The following SNTG1 variants were observed in gnomAD, a reference collection of about 807,000 sequenced individuals.
SNTG1 encodes the protein syntrophin gamma 1, also known as gamma-1-syntrophin.
SNTG1 carries 39 observed loss-of-function variants against 74.7 expected under a neutral mutation model. The observed-to-expected ratio is 0.52, with a 90% CI of 0.40 to 0.68. The LOEUF is 0.68. Ranked by LOEUF, SNTG1 falls within the 30% of genes least tolerant of loss-of-function variation. The pLI is 0.00. For missense variants in SNTG1, 685 were observed against 609.5 expected (o/e 1.12, Z -1.30); for synonymous variants, 254 against 217.1 (o/e 1.17, Z -1.49).
chr8:50,597,341 A>G (rs2094735479), intron 13 of SNTG1, among the ~76,000 whole-genome samples: 1 of 139,022 alleles, frequency 7.2e-6, no homozygotes, highest in Non-Finnish European at 1.6e-5. Context: ...ATATATATAC[A>G]TATATACACG....
At chr8:50,300,618 A>AT (rs71967752) in intron 2 of SNTG1, among the ~76,000 whole-genome samples, 10,541 of 151,850 alleles carry the variant, frequency 0.069, 410 homozygotes, top group African/African-American at 0.086. Context: ...GGAAGAAAAA[A>AT]TTAAAAAACA....
At chr8:50,150,906 A>C (rs2082046094) in intron 1 of SNTG1, among the ~76,000 whole-genome samples, 1 of 152,310 alleles carries the variant, frequency 6.6e-6, no homozygotes, top group African/African-American at 2.4e-5. Context: ...CTTTGGTATC[A>C]GGATGATGCT....
chr8:50,752,013 A>C lies in SNTG1; in HGVS notation c.1297A>C (p.Arg433=). ...FDAATKAVLW[R]YKFSQLKGSS... ...TTCCCCCCTTTAGGCTGTCCTTTGG[A>C]GGTATAAATTCTCTCAGCTTAAAGG... Residue 433 remains arginine (R), a synonymous_variant, in exon 18 of 19, where the codon AGG becomes CGG. Transcript: ENST00000642720. 6.4e-7 allele frequency: 1 copy of C among 1,560,718 alleles called. No homozygotes were observed. Among genetic ancestry groups the C allele is most frequent in the South Asian group, 1.2e-5 (1 of 81,926 alleles).
chr8:50,601,546 G>A (rs1268170709), intron 13 of SNTG1, among the ~76,000 whole-genome samples: 1 of 152,122 alleles, frequency 6.6e-6, no homozygotes, highest in African/African-American at 2.4e-5. Flanking sequence ...CTGACATATG[G>A]TATCTCCTTT....
intron 11 of SNTG1, among the ~76,000 whole-genome samples, chr8:50,547,843 T>G (rs2094398828): frequency 6.6e-6 from 1 of 152,168 alleles, no homozygotes; most frequent in Non-Finnish European, 1.5e-5. Context: ...TCTACTGATG[T>G]CATGAGATAT....
intron 2 of SNTG1, among the ~76,000 whole-genome samples, chr8:50,384,919 T>C (rs538247459): frequency 6.6e-6 from 1 of 152,168 alleles, no homozygotes; most frequent in Non-Finnish European, 1.5e-5. Flanking sequence ...CAGTTCATGA[T>C]GAACATCTCA....
chr8:50,120,889 A>T (rs2080975622), intron 1 of SNTG1, among the ~76,000 whole-genome samples: 1 of 142,174 alleles, frequency 7.0e-6, no homozygotes, highest in East Asian at 2.0e-4. Flanking sequence ...CCGTGGAATG[A>T]GTGCAGTTTT....
intron 8 of SNTG1, among the ~76,000 whole-genome samples, chr8:50,455,030 A>G (rs960788630): frequency 2.0e-5 from 3 of 152,154 alleles, no homozygotes; most frequent in East Asian, 3.8e-4. Context: ...TAAGAAAACT[A>G]TTAGAAAGGG....
At chr8:50,231,239 T>C (rs2085606753) in intron 2 of SNTG1, among the ~76,000 whole-genome samples, 1 of 151,218 alleles carries the variant, frequency 6.6e-6, no homozygotes, top group Non-Finnish European at 1.5e-5. Context: ...AAGACAAGCA[T>C]TGGCACAGAT....
At chr8:50,364,723 TA>T (rs34454711) in intron 2 of SNTG1, among the ~76,000 whole-genome samples, 7,943 of 152,040 alleles carry the variant, frequency 0.052, 462 homozygotes, top group South Asian at 0.17. Flanking sequence ...TGAATTTTCA[TA>T]AAAAATATTT....
chr8:50,253,592 A>G (rs2086740115), intron 2 of SNTG1, among the ~76,000 whole-genome samples: 1 of 151,980 alleles, frequency 6.6e-6, no homozygotes. Context: ...GTATACAACC[A>G]TGGATGAATG....
intron 18 of SNTG1, among the ~76,000 whole-genome samples, chr8:50,781,564 T>G (rs2095659527): frequency 6.6e-6 from 1 of 152,240 alleles, no homozygotes; most frequent in South Asian, 2.1e-4. Flanking sequence ...TTGGTAGGTC[T>G]TCCTCCATCC....
At chr8:50,000,215 G>A (rs1814616137) in intron 1 of SNTG1, among the ~76,000 whole-genome samples, 1 of 152,038 alleles carries the variant, frequency 6.6e-6, no homozygotes, top group Admixed American at 6.6e-5. Context: ...GTGTTGAAAT[G>A]ATTGATTGCT....
chr8:50,146,304 G>A (rs2131502320), intron 1 of SNTG1, among the ~76,000 whole-genome samples: 1 of 152,198 alleles, frequency 6.6e-6, no homozygotes, highest in Non-Finnish European at 1.5e-5. Flanking sequence ...GATCACCTGA[G>A]GTCAGGAGTT....
chr8:50,212,558 T>C (rs1010697054), intron 2 of SNTG1, among the ~76,000 whole-genome samples: 2 of 152,090 alleles, frequency 1.3e-5, no homozygotes, highest in African/African-American at 4.8e-5. Flanking sequence ...GAGGGGGAGA[T>C]GAGCAAGAAA....
chr8:49,939,680 C>G (rs947100864), intron 1 of SNTG1, among the ~76,000 whole-genome samples: 2 of 152,102 alleles, frequency 1.3e-5, no homozygotes, highest in African/African-American at 4.8e-5. Flanking sequence ...CATAAAATGA[C>G]CTTTTCAAAC....
chr8:50,111,376 G>A (rs991225233), intron 1 of SNTG1, among the ~76,000 whole-genome samples: 1 of 151,856 alleles, frequency 6.6e-6, no homozygotes, highest in Non-Finnish European at 1.5e-5. Flanking sequence ...GTCCTTATAC[G>A]AAGAGGCACC....
intron 1 of SNTG1, among the ~76,000 whole-genome samples, chr8:50,133,955 A>G (rs1405616344): frequency 6.6e-6 from 1 of 152,214 alleles, no homozygotes; most frequent in Admixed American, 6.5e-5. Flanking sequence ...AGAGAAAAGG[A>G]CAGCTAGTCC....
At chr8:50,080,399 A>G (rs1330669362) in intron 1 of SNTG1, among the ~76,000 whole-genome samples, 2 of 152,108 alleles carry the variant, frequency 1.3e-5, no homozygotes, top group East Asian at 3.9e-4. Context: ...TGTATCTTAC[A>G]TTTTTATCAA....
Sources: gnomAD v4.1 joint callset for allele counts (sites outside exome capture counted in the v4.1 genomes callset) on GRCh38, gnomAD v4.1.1 for gene constraint, MANE v1.5 for transcripts, NCBI Gene and HGNC (gene_info 2026-07-23, HGNC 2026-07-21) for gene names.